PCOLCE2: variants seen among roughly 807,000 people sequenced by gnomAD.
PCOLCE2 encodes procollagen C-proteinase enhancer 2.
PCOLCE2 carries 42 observed loss-of-function variants against 47.0 expected under a neutral mutation model. The observed-to-expected ratio is 0.89, with a 90% CI of 0.70 to 1.16. The LOEUF is 1.16. PCOLCE2 is among the 50% of genes most tolerant of loss of function. PCOLCE2 has a pLI of 0.00. For synonymous variants in PCOLCE2, 169 were observed against 191.7 expected (o/e 0.88, Z 0.98); for missense variants, 500 against 526.1 (o/e 0.95, Z 0.49).
chr3:142,831,942 G>A (rs1274865256), intron 5 of PCOLCE2, among the ~76,000 whole-genome samples: 1 of 152,230 alleles, frequency 6.6e-6, no homozygotes, highest in Non-Finnish European at 1.5e-5. Context: ...TGCCACAAAT[G>A]TACTGGGGGC....
At chr3:142,880,185 T>A (rs926397196) in intron 2 of PCOLCE2, among the ~76,000 whole-genome samples, 1 of 151,170 alleles carries the variant, frequency 6.6e-6, no homozygotes, top group Non-Finnish European at 1.5e-5. Context: ...GTTAAATTAC[T>A]ATTCAGGCAA....
chr3:142,874,142 CT>C (rs1933450360), intron 2 of PCOLCE2, among the ~76,000 whole-genome samples: 1 of 152,236 alleles, frequency 6.6e-6, no homozygotes. Flanking sequence ...GTGGCGCAAT[CT>C]TGGCTCACTG....
intron 2 of PCOLCE2, among the ~76,000 whole-genome samples, chr3:142,874,454 A>T (rs1933459873): frequency 6.6e-6 from 1 of 152,174 alleles, no homozygotes. Context: ...TTCACCTTCC[A>T]CCATGATTGT....
intron 2 of PCOLCE2, among the ~76,000 whole-genome samples, chr3:142,879,522 A>G (rs1933562695): frequency 6.6e-6 from 1 of 152,210 alleles, no homozygotes; most frequent in South Asian, 2.1e-4. Flanking sequence ...CTGAGGCCCC[A>G]GTGGGAAAAT....
chr3:142,848,989 T>C (rs1397164752), intron 2 of PCOLCE2, among the ~76,000 whole-genome samples: 3 of 152,004 alleles, frequency 2.0e-5, no homozygotes, highest in African/African-American at 4.8e-5. Flanking sequence ...CCGTCTCTAC[T>C]AAAAATACAA....
At chr3:142,854,238 C>T (rs560353040) in intron 2 of PCOLCE2, among the ~76,000 whole-genome samples, 1 of 152,178 alleles carries the variant, frequency 6.6e-6, no homozygotes, top group South Asian at 2.1e-4. Flanking sequence ...TCATTCTAAT[C>T]TTCTACGATT....
At chr3:142,843,213 C>T in intron 3 of PCOLCE2, 165 bp from the exon 4 acceptor site, 1 of 707,458 alleles carries the variant, frequency 1.4e-6, no homozygotes, top group South Asian at 1.5e-5. Flanking sequence ...ATACATAACC[C>T]CCCAACACAC....
chr3:142,887,707 C>A lies in PCOLCE2; in HGVS notation c.154G>T (p.Val52Leu). Residue 52 changes from valine to leucine, a missense_variant, in exon 2 of 9, where the codon GTG (valine) becomes TTG (leucine). Physicochemically the swap from Val to Leu is conservative, Grantham distance 32. Coordinates refer to ENST00000295992, the MANE Select transcript of PCOLCE2 (RefSeq NM_013363.4). ...GFIGSEGFPGVYPPNSKCTWK... is the reference protein window; with the variant it reads ...GFIGSEGFPGLYPPNSKCTWK... ...GTACATTTGCTATTTGGAGGGTACA[C>A]TCCAGGAAAACCTTCACTGCCAATA... 6.2e-7 allele frequency: 1 copy of A among 1,606,728 alleles called. No individual in the cohort carries two copies. Among genetic ancestry groups the A allele is most frequent in the Non-Finnish European group, 8.5e-7 (1 of 1,173,330 alleles).
chr3:142,827,122 TG>T, intron 6 of PCOLCE2: 1 of 1,448,872 alleles, frequency 6.9e-7, no homozygotes, highest in Non-Finnish European at 9.6e-7. Flanking sequence ...TGCACAGTCT[TG>T]GTTCCCCAGA....
intron 2 of PCOLCE2, among the ~76,000 whole-genome samples, chr3:142,884,367 TC>T (rs1368133190): frequency 6.6e-6 from 1 of 152,216 alleles, no homozygotes; most frequent in Non-Finnish European, 1.5e-5. Flanking sequence ...GTCACTACTT[TC>T]CAAAGGATTA....
chr3:142,822,662 T>C (rs543107437), intron 7 of PCOLCE2, among the ~76,000 whole-genome samples: 1 of 152,330 alleles, frequency 6.6e-6, no homozygotes, highest in South Asian at 2.1e-4. Flanking sequence ...ACATGTGGCG[T>C]TGTTTTCACA....
At chr3:142,870,057 A>C (rs1933356907) in intron 2 of PCOLCE2, among the ~76,000 whole-genome samples, 1 of 152,234 alleles carries the variant, frequency 6.6e-6, no homozygotes, top group Non-Finnish European at 1.5e-5. Flanking sequence ...CACATGAATG[A>C]GGGATAATTT....
At chr3:142,849,719 T>G (rs147709874) in intron 2 of PCOLCE2, among the ~76,000 whole-genome samples, 6 of 152,296 alleles carry the variant, frequency 3.9e-5, no homozygotes, top group Non-Finnish European at 5.9e-5. Context: ...GAGAATTCCA[T>G]TCTGTAAAAA....
chr3:142,875,474 T>TGG (rs200768855), intron 2 of PCOLCE2, among the ~76,000 whole-genome samples: 1,839 of 152,190 alleles, frequency 0.012, 35 homozygotes, highest in African/African-American at 0.041. Context: ...GACTACAAAA[T>TGG]GCAAAGGAAG....
chr3:142,835,684 C>A (rs1340196980), intron 5 of PCOLCE2, among the ~76,000 whole-genome samples: 1 of 151,990 alleles, frequency 6.6e-6, no homozygotes, highest in African/African-American at 2.4e-5. Context: ...GCTCTGTCAC[C>A]CAGGCTGGAG....
chr3:142,857,328 G>C (rs1019888138), intron 2 of PCOLCE2, among the ~76,000 whole-genome samples: 4 of 152,182 alleles, frequency 2.6e-5, no homozygotes, highest in African/African-American at 7.2e-5. Context: ...AAAGCTGTTA[G>C]TTGTGTCAGG....
intron 2 of PCOLCE2, among the ~76,000 whole-genome samples, chr3:142,856,579 G>GA (rs1480136173): frequency 2.6e-5 from 4 of 152,200 alleles, no homozygotes; most frequent in African/African-American, 9.7e-5. Context: ...AGGCAAATGG[G>GA]AAAAACGTGA....
At chr3:142,887,874 A>C in intron 1 of PCOLCE2, 97 bp from the exon 2 acceptor site, 1 of 687,746 alleles carries the variant, frequency 1.5e-6, no homozygotes, top group South Asian at 1.8e-5. Context: ...ATATAAATAA[A>C]AGTTAATGTT....
intron 4 of PCOLCE2, among the ~76,000 whole-genome samples, chr3:142,840,293 G>C (rs1937251440): frequency 6.6e-6 from 1 of 152,138 alleles, no homozygotes; most frequent in African/African-American, 2.4e-5. Flanking sequence ...CACGTGAATA[G>C]AAAATTTTGA....
Sources: allele counts gnomAD v4.1 joint callset (sites outside exome capture counted in the v4.1 genomes callset), GRCh38; gene constraint gnomAD v4.1.1; transcripts MANE v1.5; gene names NCBI Gene and HGNC (gene_info 2026-07-23, HGNC 2026-07-21).